Variants in FRYL observed in about 807,000 individuals in gnomAD.
The protein encoded by FRYL is protein furry homolog-like.
In FRYL, 150 loss-of-function variants were observed where a neutral mutation model predicts 351.2. That is an observed-to-expected ratio of 0.43 (90% CI 0.37 to 0.49). The LOEUF (loss-of-function observed/expected upper bound fraction) is 0.49. FRYL is among the 20% of genes least tolerant of loss of function. FRYL has a pLI of 0.00. For missense variants in FRYL, 3,036 were observed against 3,619.3 expected (o/e 0.84, Z 4.13); for synonymous variants, 1,153 against 1,257.1 (o/e 0.92, Z 1.75).
intron 56 of FRYL, 126 bp from the exon 57 acceptor site, chr4:48,512,814 AT>A: frequency 1.6e-6 from 1 of 644,150 alleles, no homozygotes; most frequent in South Asian, 2.1e-5. Context: ...GATTTAGAAA[AT>A]GTACAACAAC....
intron 1 of FRYL, among the ~76,000 whole-genome samples, chr4:48,717,263 A>T (rs1324639871): frequency 6.6e-6 from 1 of 151,346 alleles, no homozygotes; most frequent in East Asian, 1.9e-4. Context: ...CCTAAAACTT[A>T]AAGTATAATA....
intron 1 of FRYL, among the ~76,000 whole-genome samples, chr4:48,718,937 A>G (rs1262205401): frequency 6.6e-6 from 1 of 150,682 alleles, no homozygotes; most frequent in Non-Finnish European, 1.5e-5. Flanking sequence ...CTCCCTTCTC[A>G]CCTCTCAACT....
rs1166919068 is a variant in FRYL at position 48,593,969 on chromosome 4, A to G, written c.1296T>C (p.Ser432=). 2.0e-6 allele frequency: 3 copies of G among 1,485,020 alleles called. No individual in the cohort carries two copies. Among genetic ancestry groups the G allele is most frequent in the Non-Finnish European group, 2.7e-6 (3 of 1,116,988 alleles). 92.0% of individuals were successfully genotyped at this position (1,485,020 alleles called of 1,614,324 possible). The change falls in exon 16 of 64, where the codon AGT becomes AGC. Residue 432 remains serine (S), a synonymous_variant. Transcript: ENST00000358350. The stretch of plus-strand genomic sequence containing the variant: ...TGAAAGTTTTAGTAGATTTTCCAAC[A>G]CTGAGAAGATCAAATATTATTTCTT... ...AMKEIIFDLL[S]VGKSTKTFTI...
chr4:48,635,949 A>T (rs941752458), intron 3 of FRYL, among the ~76,000 whole-genome samples: 20 of 152,184 alleles, frequency 1.3e-4, no homozygotes, highest in South Asian at 4.1e-4. Flanking sequence ...TTATTAAAAA[A>T]TTTTTGTCAA....
chr4:48,668,182 A>G (rs1196010269), intron 3 of FRYL, among the ~76,000 whole-genome samples: 2 of 152,170 alleles, frequency 1.3e-5, no homozygotes, highest in Admixed American at 1.3e-4. Flanking sequence ...ACCTGCGACA[A>G]AGACCTGTGG....
At chr4:48,757,729 G>A (rs868738480) in intron 1 of FRYL, among the ~76,000 whole-genome samples, 10 of 151,990 alleles carry the variant, frequency 6.6e-5, no homozygotes, top group African/African-American at 1.4e-4. Context: ...TCACAGAATC[G>A]GAAAAAACTA....
rs1224182000 is a variant in FRYL, at chr4:48,531,432, A to G, written c.6706-79T>C. 8 of 820,842 alleles carry G rather than the reference A, an allele frequency of 9.7e-6. No homozygotes were observed. In the Admixed American group the frequency reaches 1.5e-4, roughly 15 times the overall value. 50.8% of individuals were successfully genotyped at this position (820,842 alleles called of 1,614,324 possible). A position where few individuals can be genotyped will look rare whatever the true frequency, so the allele number is the denominator to read the frequency against. ...AACAACAATTTACTGTACACCATAA[A>G]AATATTATTTCTACAAAAATACTTG... On this transcript the variant is annotated intron_variant, in intron 49 of 63. Transcript: ENST00000358350.
At chr4:48,670,157 G>A (rs990953958) in intron 3 of FRYL, among the ~76,000 whole-genome samples, 14 of 151,926 alleles carry the variant, frequency 9.2e-5, no homozygotes, top group African/African-American at 3.4e-4. Flanking sequence ...ACTATAGGCT[G>A]GTGCAGTGGC....
At chr4:48,578,156 A>C (rs1278726061) in intron 23 of FRYL, among the ~76,000 whole-genome samples, 1 of 152,106 alleles carries the variant, frequency 6.6e-6, no homozygotes, top group Non-Finnish European at 1.5e-5. Flanking sequence ...GAAACTATCA[A>C]CCACACTTAA....
At chr4:48,578,893 A>G (rs1393496193) in intron 23 of FRYL, 80 bp downstream of exon 23, 2 of 1,247,036 alleles carry the variant, frequency 1.6e-6, no homozygotes, top group Non-Finnish European at 2.2e-6. Context: ...AATCTGTAAT[A>G]CTTTTGAATT....
At chr4:48,767,693 G>T (rs1323380877) in intron 1 of FRYL, among the ~76,000 whole-genome samples, 1 of 152,204 alleles carries the variant, frequency 6.6e-6, no homozygotes, top group African/African-American at 2.4e-5. Flanking sequence ...TGGTGAAACG[G>T]TACAAACTTT....
chr4:48,589,605 G>GA, intron 18 of FRYL, 140 bp downstream of exon 18: 1 of 741,424 alleles, frequency 1.3e-6, no homozygotes, highest in Non-Finnish European at 2.2e-6. Flanking sequence ...TGTGTGGAAG[G>GA]AATCACTGTA....
chr4:48,557,644 A>G lies in FRYL; in HGVS notation c.3934T>C (p.Trp1312Arg). ...RQVMLHYLLPWMNNIELVDLK... is the reference protein window; with the variant it reads ...RQVMLHYLLPRMNNIELVDLK... ...TCCACCAGCTCGATGTTGTTCATCCATGGTAGCAGGTAGTGCAGCATCACC... is the reference window on the plus strand; with the variant it reads ...TCCACCAGCTCGATGTTGTTCATCCGTGGTAGCAGGTAGTGCAGCATCACC... The change falls in exon 34 of 64, where the codon TGG (tryptophan) becomes CGG (arginine). Residue 1312 changes from tryptophan to arginine, a missense_variant. This residue lies in a region of FRYL where 1,987 missense variants were observed against 2,311.7 expected (regional missense o/e 0.86). Coordinates refer to ENST00000358350, the MANE Select transcript of FRYL (RefSeq NM_015030.2). 6.2e-7 allele frequency: 1 copy of G among 1,614,178 alleles called. No homozygotes were observed.
At chr4:48,661,521 T>C (rs559667742) in intron 3 of FRYL, among the ~76,000 whole-genome samples, 1 of 152,320 alleles carries the variant, frequency 6.6e-6, no homozygotes, top group South Asian at 2.1e-4. Context: ...TCATGCCTCA[T>C]AATGGGGCTA....
intron 31 of FRYL, among the ~76,000 whole-genome samples, chr4:48,563,535 C>A (rs185273654): frequency 6.6e-6 from 1 of 151,846 alleles, no homozygotes; most frequent in Non-Finnish European, 1.5e-5. Flanking sequence ...CGTAGTGAGA[C>A]CTCGTCGCTA....
chr4:48,698,342 C>T (rs1458010084), intron 2 of FRYL, among the ~76,000 whole-genome samples: 2 of 152,212 alleles, frequency 1.3e-5, no homozygotes, highest in Non-Finnish European at 1.5e-5. Flanking sequence ...TAAAAAGCTA[C>T]ATAAGTAACA....
At chr4:48,775,075 C>T (rs994670773) in intron 1 of FRYL, among the ~76,000 whole-genome samples, 4 of 152,160 alleles carry the variant, frequency 2.6e-5, no homozygotes, top group African/African-American at 7.2e-5. Flanking sequence ...AGAAATATTT[C>T]GCCCCACAGG....
chr4:48,631,441 C>CATTATTATT (rs377595565), intron 4 of FRYL, among the ~76,000 whole-genome samples: 2 of 151,440 alleles, frequency 1.3e-5, no homozygotes, highest in Admixed American at 1.3e-4. Context: ...AGAATGAAAA[C>CATTATTATT]ATTATTATTA....
Position 48,573,256 on chromosome 4 carries a change from T to C in FRYL, c.2847-13A>G, listed in dbSNP as rs747287121. The C allele has an allele frequency of 1.3e-6, 2 of 1,562,852 alleles. No individual in the cohort carries two copies. Among genetic ancestry groups the C allele is most frequent in the African/African-American group, 1.4e-5 (1 of 73,966 alleles). On this transcript the variant is annotated splice_polypyrimidine_tract_variant and intron_variant, in intron 25 of 63. Coordinates refer to ENST00000358350, the MANE Select transcript of FRYL (RefSeq NM_015030.2). ...CTCTATTAGTTCCCTGGAAGAAAAA[T>C]GGTACATATTCTATTAATAGCTACA...
Sources: gnomAD v4.1 joint callset for allele counts (sites outside exome capture counted in the v4.1 genomes callset) on GRCh38, gnomAD v4.1.1 for gene constraint, gnomAD v4.1.1 regional missense constraint, MANE v1.5 for transcripts, NCBI Gene and HGNC (gene_info 2026-07-23, HGNC 2026-07-21) for gene names.